Variants in SNTG1 observed in about 807,000 individuals in gnomAD.
SNTG1 encodes syntrophin gamma 1, also known as gamma-1-syntrophin.
In SNTG1, 39 loss-of-function variants were observed where a neutral mutation model predicts 74.7. That is an observed-to-expected ratio of 0.52 (90% CI 0.40 to 0.68). SNTG1 has a LOEUF of 0.68. SNTG1 is among the 30% of genes least tolerant of loss of function. The pLI is 0.00. For missense variants in SNTG1, 685 were observed against 609.5 expected (o/e 1.12, Z -1.30); for synonymous variants, 254 against 217.1 (o/e 1.17, Z -1.49).
At chr8:50,684,646 C>G (rs1044235327) in intron 15 of SNTG1, among the ~76,000 whole-genome samples, 7 of 151,104 alleles carry the variant, frequency 4.6e-5, no homozygotes, top group African/African-American at 1.7e-4. Context: ...ATGATCTATC[C>G]ATATTTTAAG....
intron 5 of SNTG1, among the ~76,000 whole-genome samples, chr8:50,441,484 A>T (rs113634720): frequency 0.028 from 4,225 of 152,256 alleles, 184 homozygotes; most frequent in African/African-American, 0.095. Flanking sequence ...GATATGATGC[A>T]GACCACATTG....
chr8:50,684,398 T>G (rs1220272179), intron 15 of SNTG1, among the ~76,000 whole-genome samples: 1 of 152,184 alleles, frequency 6.6e-6, no homozygotes, highest in Admixed American at 6.5e-5. Flanking sequence ...TCAACAATAT[T>G]ACAAGAAATT....
At chr8:50,343,270 A>C (rs1233558668) in intron 2 of SNTG1, among the ~76,000 whole-genome samples, 1 of 152,220 alleles carries the variant, frequency 6.6e-6, no homozygotes, top group Non-Finnish European at 1.5e-5. Flanking sequence ...AATAGATTAC[A>C]TGGCATTAAT....
chr8:50,273,911 T>G (rs547942090), intron 2 of SNTG1, among the ~76,000 whole-genome samples: 1 of 152,316 alleles, frequency 6.6e-6, no homozygotes, highest in South Asian at 2.1e-4. Flanking sequence ...TCTTATTTAT[T>G]TAGACCCTTT....
intron 13 of SNTG1, among the ~76,000 whole-genome samples, chr8:50,604,561 C>G (rs975955051): frequency 2.0e-5 from 3 of 152,114 alleles, no homozygotes; most frequent in African/African-American, 7.2e-5. Flanking sequence ...TGCCAGGCTA[C>G]CACCAATATT....
intron 9 of SNTG1, among the ~76,000 whole-genome samples, chr8:50,525,840 A>AG (rs2094215404): frequency 9.8e-6 from 1 of 102,330 alleles, no homozygotes; most frequent in African/African-American, 7.4e-5. Context: ...TAATTTACAG[A>AG]CCTGGTTTCC....
chr8:50,501,072 G>T (rs2093947771), intron 8 of SNTG1, among the ~76,000 whole-genome samples: 2 of 152,258 alleles, frequency 1.3e-5, no homozygotes, highest in African/African-American at 2.4e-5. Flanking sequence ...GTGTTCTGAG[G>T]CCCAGGGGGA....
intron 1 of SNTG1, among the ~76,000 whole-genome samples, chr8:49,923,581 A>G (rs1157537313): frequency 6.6e-6 from 1 of 152,136 alleles, no homozygotes; most frequent in Non-Finnish European, 1.5e-5. Context: ...ATGTTAAGAC[A>G]TTGAGTCCTA....
chr8:50,208,928 C>A (rs554921075), intron 2 of SNTG1, among the ~76,000 whole-genome samples: 16 of 152,304 alleles, frequency 1.1e-4, no homozygotes, highest in African/African-American at 3.8e-4. Flanking sequence ...CGGAGCAGGG[C>A]AGGGCATCGC....
chr8:50,254,310 A>T (rs1222496401), intron 2 of SNTG1, among the ~76,000 whole-genome samples: 3 of 152,192 alleles, frequency 2.0e-5, no homozygotes, highest in Non-Finnish European at 4.4e-5. Context: ...CCCATGTAAG[A>T]TGTTTTGGTT....
At chr8:50,689,466 G>T (rs2095367820) in intron 15 of SNTG1, among the ~76,000 whole-genome samples, 1 of 152,090 alleles carries the variant, frequency 6.6e-6, no homozygotes, top group African/African-American at 2.4e-5. Context: ...AAGCGTTGTT[G>T]AATTTTGTCA....
intron 1 of SNTG1, among the ~76,000 whole-genome samples, chr8:50,044,587 C>T (rs527818651): frequency 6.6e-6 from 1 of 152,134 alleles, no homozygotes; most frequent in Non-Finnish European, 1.5e-5. Flanking sequence ...TGGCATGGAG[C>T]CTAGAACCTG....
At chr8:50,074,880 G>C (rs933309282) in intron 1 of SNTG1, among the ~76,000 whole-genome samples, 8 of 152,154 alleles carry the variant, frequency 5.3e-5, no homozygotes, top group African/African-American at 1.9e-4. Context: ...TGAGGGAACC[G>C]GGGCTGTGCC....
chr8:50,346,040 A>T (rs185382606), intron 2 of SNTG1, among the ~76,000 whole-genome samples: 1 of 152,330 alleles, frequency 6.6e-6, no homozygotes, highest in African/African-American at 2.4e-5. Context: ...TTAACATATT[A>T]TCTGGCAGGA....
At chr8:50,388,605 G>T (rs1435058180) in intron 2 of SNTG1, among the ~76,000 whole-genome samples, 6 of 152,038 alleles carry the variant, frequency 3.9e-5, no homozygotes, top group African/African-American at 1.4e-4. Context: ...AACATGAATG[G>T]GATTCAGCAA....
chr8:49,942,476 T>C (rs1026848642), intron 1 of SNTG1, among the ~76,000 whole-genome samples: 1 of 152,074 alleles, frequency 6.6e-6, no homozygotes, highest in Non-Finnish European at 1.5e-5. Context: ...TCAATGCCAT[T>C]TTTTTTACTA....
At chr8:50,216,165 T>C (rs1217233307) in intron 2 of SNTG1, among the ~76,000 whole-genome samples, 5 of 152,130 alleles carry the variant, frequency 3.3e-5, no homozygotes, top group Non-Finnish European at 7.4e-5. Flanking sequence ...ATTTGCTCCT[T>C]CTGTATCTTT....
At chr8:50,556,449 A>G (rs1170328773) in intron 12 of SNTG1, among the ~76,000 whole-genome samples, 2 of 152,226 alleles carry the variant, frequency 1.3e-5, no homozygotes, top group Admixed American at 1.3e-4. Context: ...GGACTTGAGT[A>G]GATTCTAAAA....
chr8:50,795,475 G>A lies in SNTG1; in HGVS notation c.*2646G>A, dbSNP rs1446963983. On this transcript the variant is annotated 3_prime_UTR_variant, in exon 19 of 19. Coordinates refer to ENST00000642720, the MANE Select transcript of SNTG1 (RefSeq NM_018967.5). ...TAAGAGATTTATTCATAAAATCCTA[G>A]TTTGTACATTAAGCACATTTTAACA... is the stretch of plus-strand genomic sequence containing the variant. The A allele has an allele frequency of 6.6e-6, 1 of 151,972 alleles. No individual in the cohort carries two copies. The highest frequency in any genetic ancestry group is 1.9e-4 in the East Asian group (1 of 5,180). The allele number at this position is 151,972 out of a possible 1,614,324, so 9.4% of individuals were successfully genotyped here.
Sources: gnomAD v4.1 joint callset for allele counts (sites outside exome capture counted in the v4.1 genomes callset) on GRCh38, gnomAD v4.1.1 for gene constraint, MANE v1.5 for transcripts, NCBI Gene and HGNC (gene_info 2026-07-23, HGNC 2026-07-21) for gene names.